The following KHDRBS2 variants were observed in gnomAD, a reference collection of about 807,000 sequenced individuals.
KHDRBS2 encodes KH domain-containing, RNA-binding, signal transduction-associated protein 2.
KHDRBS2 carries 26 observed loss-of-function variants against 44.3 expected under a neutral mutation model. The observed-to-expected ratio is 0.59, with a 90% CI of 0.43 to 0.81. The LOEUF (loss-of-function observed/expected upper bound fraction) is 0.81. Among genes scored for constraint, KHDRBS2 ranks in the 40% least tolerant of loss-of-function variants. The probability of loss-of-function intolerance (pLI) is 0.00; values close to 1 mark genes in which losing one functional copy is unlikely to be tolerated. For synonymous variants in KHDRBS2, 194 were observed against 151.1 expected (o/e 1.28, Z -2.08); for missense variants, 476 against 433.1 (o/e 1.10, Z -0.88).
intron 2 of KHDRBS2, among the ~76,000 whole-genome samples, chr6:62,112,190 C>T (rs1383253525): frequency 6.6e-6 from 1 of 152,064 alleles, no homozygotes; most frequent in Non-Finnish European, 1.5e-5. Context: ...GTATCTAAAT[C>T]ACAAATGTGA....
At chr6:61,730,492 C>G (rs1429074424) in intron 7 of KHDRBS2, among the ~76,000 whole-genome samples, 1 of 151,816 alleles carries the variant, frequency 6.6e-6, no homozygotes, top group Non-Finnish European at 1.5e-5. Flanking sequence ...GGATTTGGAA[C>G]AAATAACGAA....
intron 4 of KHDRBS2, among the ~76,000 whole-genome samples, chr6:61,937,581 G>A (rs1296734609): frequency 2.0e-5 from 3 of 151,964 alleles, no homozygotes; most frequent in African/African-American, 7.2e-5. Context: ...TGAGTATCGG[G>A]CAGGAATTTA....
At position 61,784,799 on chromosome 6, in the gene KHDRBS2, T is replaced by C. The variant is rs1441205976; in HGVS notation, c.811-52035A>G. On this transcript the variant is annotated intron_variant, in intron 6 of 8. Coordinates refer to ENST00000281156, the MANE Select transcript of KHDRBS2 (RefSeq NM_152688.4). The stretch of plus-strand genomic sequence containing the variant: ...TACAGTAATGTTAGTGTTTCATTTT[T>C]AATTGTTACCAATATTAGGATTTTT... 3.9e-5 allele frequency among the ~76,000 whole-genome samples: 6 copies of C among 152,192 alleles called. No homozygotes were observed. In the East Asian group the frequency reaches 9.6e-4, roughly 24 times the overall value.
chr6:61,668,764 T>C, the KHDRBS2 span, among the ~76,000 whole-genome samples: 5 of 151,164 alleles, frequency 3.3e-5, no homozygotes, highest in South Asian at 1.0e-3. Context: ...TTTCCTTGTT[T>C]TTATATTCAC....
At chr6:62,037,742 C>T (rs569570256) in intron 3 of KHDRBS2, among the ~76,000 whole-genome samples, 128 of 151,960 alleles carry the variant, frequency 8.4e-4, no homozygotes, top group Non-Finnish European at 1.7e-3. Context: ...AATTACATAC[C>T]TATAGCTAAA....
At chr6:61,904,723 G>A (rs1335203150) in intron 4 of KHDRBS2, among the ~76,000 whole-genome samples, 2 of 152,250 alleles carry the variant, frequency 1.3e-5, no homozygotes, top group East Asian at 1.9e-4. Context: ...TTGCACCAGG[G>A]CAATCCGTAA....
chr6:61,904,855 C>T (rs1049796507), intron 4 of KHDRBS2, among the ~76,000 whole-genome samples: 7 of 152,046 alleles, frequency 4.6e-5, no homozygotes, highest in African/African-American at 1.7e-4. Flanking sequence ...ATGTTCAATC[C>T]CATTATTACA....
rs143412339 is a variant in KHDRBS2 at position 62,115,616 on chromosome 6, C to T, written c.219+61569G>A. On this transcript the variant is annotated intron_variant, in intron 2 of 8. Transcript: ENST00000281156. ...TTTATGTATGTATTGGCTTGCTTTC[C>T]GCAAATGATTGCTAAAGGCAGAACA... Among the ~76,000 whole-genome samples, 383 of 152,196 alleles carry T rather than the reference C, an allele frequency of 2.5e-3. 3 individuals are homozygous for T. The highest frequency in any genetic ancestry group is 8.3e-3 in the African/African-American group (346 of 41,556).
intron 1 of KHDRBS2, among the ~76,000 whole-genome samples, chr6:62,229,053 C>A (rs1832422425): frequency 6.6e-6 from 1 of 152,060 alleles, no homozygotes; most frequent in East Asian, 1.9e-4. Flanking sequence ...TGCTTCGTTT[C>A]GGGGGGAAAC....
intron 6 of KHDRBS2, among the ~76,000 whole-genome samples, chr6:61,862,742 T>C (rs1440722395): frequency 6.6e-6 from 1 of 152,194 alleles, no homozygotes; most frequent in Admixed American, 6.5e-5. Flanking sequence ...TTGAGCATTT[T>C]GGCATTGATG....
intron 1 of KHDRBS2, among the ~76,000 whole-genome samples, chr6:62,270,094 C>T (rs1019742328): frequency 5.3e-5 from 8 of 152,018 alleles, no homozygotes; most frequent in Non-Finnish European, 1.0e-4. Context: ...GAATATTTGT[C>T]CCCTCCAAAA....
chr6:62,083,396 T>C (rs187856677), intron 2 of KHDRBS2, among the ~76,000 whole-genome samples: 1 of 152,132 alleles, frequency 6.6e-6, no homozygotes, highest in Admixed American at 6.5e-5. Flanking sequence ...GCATTTACCA[T>C]CTTCAATTCA....
rs553774022 is a variant in KHDRBS2 at position 61,811,041 on chromosome 6, T to TGA, written c.811-78278_811-78277insTC. Among the ~76,000 whole-genome samples, 293 of 152,254 alleles carry TGA rather than the reference T, an allele frequency of 1.9e-3. 1 individual carries two copies. Among genetic ancestry groups the TGA allele is most frequent in the African/African-American group, 6.7e-3 (279 of 41,558 alleles). The stretch of plus-strand genomic sequence containing the variant: ...ATTGTATGATACTGAGGCTTGGGCT[T>TGA]CTATTTATCCTGTCACTCAAGATAG... On this transcript the variant is annotated intron_variant, in intron 6 of 8. Coordinates refer to ENST00000281156, the MANE Select transcript of KHDRBS2 (RefSeq NM_152688.4).
At chr6:62,177,747 A>T (rs1428122354) in intron 1 of KHDRBS2, among the ~76,000 whole-genome samples, 2 of 151,456 alleles carry the variant, frequency 1.3e-5, no homozygotes, top group African/African-American at 2.4e-5. Context: ...AAATAAAAAT[A>T]ATTAAAATGG....
chr6:61,898,057 A>T (rs1272948002), intron 5 of KHDRBS2, among the ~76,000 whole-genome samples: 1 of 152,090 alleles, frequency 6.6e-6, no homozygotes, highest in Non-Finnish European at 1.5e-5. Flanking sequence ...GTTATCATAG[A>T]TAGGATTATT....
chr6:61,799,299 G>C (rs890902025), intron 6 of KHDRBS2, among the ~76,000 whole-genome samples: 2 of 151,864 alleles, frequency 1.3e-5, no homozygotes, highest in Non-Finnish European at 2.9e-5. Flanking sequence ...GATTCCTACT[G>C]TTCTGACCTA....
At chr6:61,775,217 T>A (rs1212646116) in intron 6 of KHDRBS2, among the ~76,000 whole-genome samples, 1 of 152,080 alleles carries the variant, frequency 6.6e-6, no homozygotes, top group Non-Finnish European at 1.5e-5. Flanking sequence ...AAGCATTCCC[T>A]TTGAAAATGG....
chr6:62,122,953 A>T lies in KHDRBS2; in HGVS notation c.219+54232T>A, dbSNP rs576887464. On this transcript the variant is annotated intron_variant, in intron 2 of 8. Coordinates refer to ENST00000281156, the MANE Select transcript of KHDRBS2 (RefSeq NM_152688.4). ...TCTAGGGTACATGTGAACAACGTGC[A>T]GTTTTGTTACATAGGTATACGTGTG... is the stretch of plus-strand genomic sequence containing the variant. Among the ~76,000 whole-genome samples the T allele has an allele frequency of 4.5e-4, 69 of 152,118 alleles. 2 individuals carry two copies. Among genetic ancestry groups the T allele is most frequent in the South Asian group, 1.5e-3 (7 of 4,814 alleles).
At chr6:61,716,042 C>T (rs952490845) in intron 7 of KHDRBS2, among the ~76,000 whole-genome samples, 3 of 151,730 alleles carry the variant, frequency 2.0e-5, no homozygotes, top group Non-Finnish European at 4.4e-5. Flanking sequence ...ACTATTATCC[C>T]TTCTCTTGAA....
Sources: gnomAD v4.1 joint callset for allele counts (sites outside exome capture counted in the v4.1 genomes callset) on GRCh38, gnomAD v4.1.1 for gene constraint, MANE v1.5 for transcripts, NCBI Gene and HGNC (gene_info 2026-07-23, HGNC 2026-07-21) for gene names.